UBA2: variants seen among roughly 807,000 people sequenced by gnomAD.
UBA2 encodes ubiquitin like modifier activating enzyme 2, also known as SUMO-activating enzyme subunit 2.
UBA2 carries 11 observed loss-of-function variants against 77.2 expected under a neutral mutation model. That is an observed-to-expected ratio of 0.14 (90% CI 0.09 to 0.24). The LOEUF is 0.24. Ranked by LOEUF, UBA2 falls within the 10% of genes least tolerant of loss-of-function variation. UBA2 has a pLI of 1.00. For missense variants in UBA2, 487 were observed against 781.7 expected (o/e 0.62, Z 4.50); for synonymous variants, 278 against 276.7 (o/e 1.00, Z -0.05).
intron 13 of UBA2, 103 bp downstream of exon 13, chr19:34,459,027 T>G: frequency 8.2e-7 from 1 of 1,222,968 alleles, no homozygotes; most frequent in Non-Finnish European, 1.1e-6. Flanking sequence ...ACTGCAGAGA[T>G]GTGTGGCTGT....
At chr19:34,434,182 A>C (rs905571379) in intron 4 of UBA2, among the ~76,000 whole-genome samples, 2 of 152,214 alleles carry the variant, frequency 1.3e-5, no homozygotes, top group Non-Finnish European at 2.9e-5. Context: ...TGGTGTGATC[A>C]TAACTCACTG....
chr19:34,439,556 A>G (rs2145505768), intron 6 of UBA2, among the ~76,000 whole-genome samples: 1 of 152,334 alleles, frequency 6.6e-6, no homozygotes, highest in Admixed American at 6.5e-5. Flanking sequence ...TGGTGTGGGC[A>G]TGGTGGCTCA....
chr19:34,440,841 GCTTGAAC>G (rs1272776709), intron 6 of UBA2, among the ~76,000 whole-genome samples: 2 of 150,402 alleles, frequency 1.3e-5, no homozygotes, highest in African/African-American at 2.5e-5. Flanking sequence ...CAGGAGAATT[GCTTGAAC>G]CCGGGAGGTG....
rs750816215 is a variant in UBA2, at chr19:34,470,962, G to A, written c.*1741G>A. 6.6e-6 allele frequency: 1 copy of A among 152,342 alleles called. No homozygotes were observed. Among genetic ancestry groups the A allele is most frequent in the South Asian group, 2.1e-4 (1 of 4,824 alleles). 9.4% of individuals were successfully genotyped at this position (152,342 alleles called of 1,614,324 possible). ...GTCCTTCCTCCTTTCTGCAGTGTTT[G>A]TCTGGGTTGTCCCCTAGTTTACCAA... On this transcript the variant is annotated 3_prime_UTR_variant, in exon 17 of 17. Coordinates refer to ENST00000246548, the MANE Select transcript of UBA2 (RefSeq NM_005499.3).
intron 8 of UBA2, among the ~76,000 whole-genome samples, chr19:34,448,507 A>G (rs1299847879): frequency 6.6e-6 from 1 of 152,074 alleles, no homozygotes; most frequent in Non-Finnish European, 1.5e-5. Context: ...GGACAGGAAT[A>G]TCACTTGAGC....
chr19:34,455,978 T>A (rs2075554454), intron 12 of UBA2, among the ~76,000 whole-genome samples: 1 of 151,866 alleles, frequency 6.6e-6, no homozygotes, highest in African/African-American at 2.4e-5. Flanking sequence ...GGTCTTGCTA[T>A]GTTGTCCGGG....
In UBA2 at chr19:34,460,490, T is replaced by C. The variant is rs751218794; in HGVS notation, c.1422T>C (p.Ala474=). 35 of 1,595,874 alleles carry C rather than the reference T, an allele frequency of 2.2e-5. No individual in the cohort carries two copies. The highest frequency in any genetic ancestry group is 3.0e-5 in the Non-Finnish European group (35 of 1,173,178). Reference sequence around the variant, plus strand: ...TGTAGATAGTGAAAGAAAAATTTGCTATGGTAGCACCAGATGTCCAAATTG... The same window carrying C: ...TGTAGATAGTGAAAGAAAAATTTGCCATGGTAGCACCAGATGTCCAAATTG... ...LQDKIVKEKF[A]MVAPDVQIED... The change falls in exon 14 of 17, where the codon GCT becomes GCC. Residue 474 remains alanine, a synonymous_variant. Transcript: ENST00000246548.
In UBA2 at chr19:34,471,174, CTATTG is replaced by C. The variant is rs2075729667; in HGVS notation, c.*1958_*1962del. On this transcript the variant is annotated 3_prime_UTR_variant, in exon 17 of 17. Coordinates refer to ENST00000246548, the MANE Select transcript of UBA2 (RefSeq NM_005499.3). ...ACAGAAAGCCATTAAGCTGTTTCCC[CTATTG>C]TATTCATGTGCCCTTTGTGTTTCTG... 2.0e-5 allele frequency: 3 copies of C among 152,266 alleles called. No individual in the cohort carries two copies. Among genetic ancestry groups the C allele is most frequent in the Non-Finnish European group, 4.4e-5 (3 of 68,020 alleles). 9.4% of individuals were successfully genotyped at this position (152,266 alleles called of 1,614,324 possible).
chr19:34,441,844 C>G (rs1318446523), intron 6 of UBA2, among the ~76,000 whole-genome samples: 2 of 151,322 alleles, frequency 1.3e-5, no homozygotes, highest in South Asian at 2.1e-4. Flanking sequence ...CCGCTTGAAC[C>G]TGGGAGGCGG....
At chr19:34,435,561 G>C (rs547797512) in intron 5 of UBA2, among the ~76,000 whole-genome samples, 142 of 152,266 alleles carry the variant, frequency 9.3e-4, no homozygotes, top group African/African-American at 2.8e-3. Flanking sequence ...TGCGTGCAGT[G>C]GCTCATGCCT....
rs1309399849 is a variant in UBA2 at position 34,469,869 on chromosome 19, A to T, written c.*648A>T. The T allele has an allele frequency of 2.0e-5, 3 of 152,616 alleles. No individual in the cohort carries two copies. Among genetic ancestry groups the T allele is most frequent in the Non-Finnish European group, 4.4e-5 (3 of 68,044 alleles). 9.5% of individuals were successfully genotyped at this position (152,616 alleles called of 1,614,324 possible). A position where few individuals can be genotyped will look rare whatever the true frequency, so the allele number is the denominator to read the frequency against. On this transcript the variant is annotated 3_prime_UTR_variant, in exon 17 of 17. Coordinates refer to ENST00000246548, the MANE Select transcript of UBA2 (RefSeq NM_005499.3). ...TAACGACTATACTTATGGACCAAAT[A>T]AATGGCATCTGCATTCTTGTTACAC...
chr19:34,453,333 T>C (rs1237622027), intron 10 of UBA2, among the ~76,000 whole-genome samples: 1 of 152,112 alleles, frequency 6.6e-6, no homozygotes, highest in Non-Finnish European at 1.5e-5. Context: ...GCAGGAAGCC[T>C]TGCTGAAATC....
At chr19:34,446,726 A>G (rs2075435903) in intron 8 of UBA2, among the ~76,000 whole-genome samples, 1 of 151,192 alleles carries the variant, frequency 6.6e-6, no homozygotes, top group African/African-American at 2.5e-5. Context: ...CTCCTGCCTC[A>G]GCCTCCTGAG....
intron 2 of UBA2, among the ~76,000 whole-genome samples, chr19:34,431,095 A>C (rs118115059): frequency 6.6e-6 from 1 of 151,832 alleles, no homozygotes; most frequent in Non-Finnish European, 1.5e-5. Flanking sequence ...CTGTCTCCCA[A>C]CCTGTTTGGC....
intron 15 of UBA2, among the ~76,000 whole-genome samples, chr19:34,466,415 A>G (rs1438812921): frequency 1.3e-5 from 2 of 152,254 alleles, no homozygotes; most frequent in African/African-American, 2.4e-5. Flanking sequence ...AATAATGTCC[A>G]AGAGTTGCTT....
chr19:34,464,319 T>A (rs1461435649), intron 15 of UBA2, among the ~76,000 whole-genome samples, 188 bp downstream of exon 15: 1 of 152,098 alleles, frequency 6.6e-6, no homozygotes, highest in African/African-American at 2.4e-5. Flanking sequence ...ATTCAGAAAT[T>A]GGCGGGGTGT....
At chr19:34,461,087 G>C (rs1020968764) in intron 14 of UBA2, among the ~76,000 whole-genome samples, 1 of 152,178 alleles carries the variant, frequency 6.6e-6, no homozygotes, top group Non-Finnish European at 1.5e-5. Flanking sequence ...TTCATAGTAA[G>C]GATTGCATCG....
Position 34,429,764 on chromosome 19 carries a change from A to G in UBA2, c.139-812A>G, listed in dbSNP as rs534258833. On this transcript the variant is annotated intron_variant, in intron 1 of 16. Transcript: ENST00000246548. ...GTCAGGAGGATCGCTTGAGCCTGGG[A>G]GGTCGAGGCTGCAGTGAGCTGTGTT... Among the ~76,000 whole-genome samples, 123 of 152,106 alleles carry G rather than the reference A, an allele frequency of 8.1e-4. 1 individual carries two copies. In the South Asian group the frequency reaches 0.013, roughly 15 times the overall value.
chr19:34,431,244 C>CTTTTTT (rs1184297228), intron 2 of UBA2, among the ~76,000 whole-genome samples: 1,499 of 69,158 alleles, frequency 0.022, 34 homozygotes, highest in Non-Finnish European at 0.028. Flanking sequence ...ATTTTCTTTT[C>CTTTTTT]TTTTTTTTTT....
Sources: allele counts gnomAD v4.1 joint callset (sites outside exome capture counted in the v4.1 genomes callset), GRCh38; gene constraint gnomAD v4.1.1; transcripts MANE v1.5; gene names NCBI Gene and HGNC (gene_info 2026-07-23, HGNC 2026-07-21).